The following CACNA1C variants were observed in gnomAD, a reference collection of about 807,000 sequenced individuals.
CACNA1C encodes the protein voltage-dependent L-type calcium channel subunit alpha-1C.
Under a neutral mutation model 229.0 loss-of-function variants are expected in CACNA1C, and 30 were observed. The ratio of observed to expected loss-of-function variants is 0.13; its 90% CI spans 0.10 to 0.18. The LOEUF is 0.18. Ranked by LOEUF, CACNA1C falls within the 10% of genes least tolerant of loss-of-function variation. The pLI is 1.00. For synonymous variants in CACNA1C, 1,114 were observed against 1,132.5 expected (o/e 0.98, Z 0.33); for missense variants, 1,658 against 2,845.0 (o/e 0.58, Z 9.49).
chr12:2,606,957 A>C (rs1373277701), intron 25 of CACNA1C, 27 bp from the exon 26 acceptor site: 2 of 1,610,950 alleles, frequency 1.2e-6, no homozygotes, highest in African/African-American at 2.7e-5. Flanking sequence ...GAGATCCCAG[A>C]GTAAACTCCT....
rs537370817 is a variant in CACNA1C, at chr12:2,555,878, T to C, written c.1482-1073T>C. 5.3e-5 allele frequency among the ~76,000 whole-genome samples: 8 copies of C among 152,290 alleles called. No homozygotes were observed. In the East Asian group the frequency reaches 1.5e-3, roughly 29 times the overall value. On this transcript the variant is annotated intron_variant, in intron 10 of 46. Coordinates refer to ENST00000399655, the MANE Select transcript of CACNA1C (RefSeq NM_000719.7). ...CGACACAGCTAGCTGTGTGCCGCGCTGGGACGTCGCAGGCCTGCGGCGGTT... is the reference window on the plus strand; with the variant it reads ...CGACACAGCTAGCTGTGTGCCGCGCCGGGACGTCGCAGGCCTGCGGCGGTT...
rs1566004360 is a variant in CACNA1C, at chr12:2,152,126, C to T, written c.477+31696C>T. On this transcript the variant is annotated intron_variant, in intron 3 of 46. Transcript: ENST00000399655. This position sits in a 1 kb window ranked among gnomAD's most constrained non-coding sequence, Gnocchi z 4.2. ...GATGGTGCCCTTCCCTAGATAGCTG[C>T]GTTGCAATGGACCACATTATGGCAT... is the stretch of plus-strand genomic sequence containing the variant. Among the ~76,000 whole-genome samples, 3 of 152,174 alleles carry T rather than the reference C, an allele frequency of 2.0e-5. No homozygotes were observed. The highest frequency in any genetic ancestry group is 2.1e-4 in the South Asian group (1 of 4,832).
intron 16 of CACNA1C, 38 bp downstream of exon 16, chr12:2,584,655 G>A (rs1300161713): frequency 7.4e-7 from 1 of 1,353,692 alleles, no homozygotes; most frequent in Non-Finnish European, 1.0e-6. Flanking sequence ...GGGCTCCAGG[G>A]CTCCCATTGT....
At position 2,424,781 on chromosome 12, in the gene CACNA1C, G is replaced by A. The variant is rs567874582; in HGVS notation, c.478-24195G>A. Among the ~76,000 whole-genome samples the A allele has an allele frequency of 2.0e-5, 3 of 152,308 alleles. No homozygotes were observed. In the South Asian group the frequency reaches 6.2e-4, roughly 32 times the overall value. ...GTGGGAGGGTGAGGAGGAAGTTGAGGAAACCTCTCTCCCAGAGACTGAGCT... is the reference window on the plus strand; with the variant it reads ...GTGGGAGGGTGAGGAGGAAGTTGAGAAAACCTCTCTCCCAGAGACTGAGCT... On this transcript the variant is annotated intron_variant, in intron 3 of 46. Coordinates refer to ENST00000399655, the MANE Select transcript of CACNA1C (RefSeq NM_000719.7).
chr12:2,430,580 G>A (rs1375819774), intron 3 of CACNA1C, among the ~76,000 whole-genome samples: 3 of 152,112 alleles, frequency 2.0e-5, no homozygotes, highest in Non-Finnish European at 2.9e-5. Context: ...GGTGGTGGGG[G>A]GGTCCGAGCA....
chr12:2,341,238 G>A (rs572440453), intron 3 of CACNA1C, among the ~76,000 whole-genome samples: 6 of 152,312 alleles, frequency 3.9e-5, no homozygotes, highest in South Asian at 2.1e-4. Flanking sequence ...ACTGGCAGGC[G>A]ATCTGCAGAA....
At chr12:2,281,368 G>T (rs777098519) in intron 3 of CACNA1C, among the ~76,000 whole-genome samples, 1 of 151,356 alleles carries the variant, frequency 6.6e-6, no homozygotes, top group Non-Finnish European at 1.5e-5. Flanking sequence ...ACCATTTCTG[G>T]TACCCTTGAT....
intron 34 of CACNA1C, among the ~76,000 whole-genome samples, 171 bp downstream of exon 34, chr12:2,655,409 T>G (rs2095362384): frequency 2.0e-5 from 3 of 152,148 alleles, no homozygotes; most frequent in Admixed American, 6.5e-5. Flanking sequence ...TCATTTATGA[T>G]AACTTTCCAC....
intron 3 of CACNA1C, among the ~76,000 whole-genome samples, chr12:2,225,250 G>T (rs2062628085): frequency 6.6e-6 from 1 of 152,164 alleles, no homozygotes; most frequent in African/African-American, 2.4e-5. Flanking sequence ...TGCACAAAGA[G>T]AATTATAAAG....
chr12:2,523,959 T>G (rs1050122721), intron 9 of CACNA1C, among the ~76,000 whole-genome samples: 8 of 152,216 alleles, frequency 5.3e-5, no homozygotes, highest in African/African-American at 1.7e-4. Context: ...CAAGATATCT[T>G]AACTGTCAGA....
chr12:2,267,146 C>G (rs1341594720), intron 3 of CACNA1C, among the ~76,000 whole-genome samples: 1 of 152,122 alleles, frequency 6.6e-6, no homozygotes, highest in Non-Finnish European at 1.5e-5. Context: ...TTCCAAAGCC[C>G]AGCATGTGCC....
At chr12:2,393,828 G>T (rs951514217) in intron 3 of CACNA1C, among the ~76,000 whole-genome samples, 3 of 151,944 alleles carry the variant, frequency 2.0e-5, no homozygotes, top group Non-Finnish European at 4.4e-5. Context: ...ACTGGGGATT[G>T]GTCGTGGAGG....
chr12:2,525,375 G>A (rs1418849224), intron 9 of CACNA1C, among the ~76,000 whole-genome samples: 1 of 152,144 alleles, frequency 6.6e-6, no homozygotes, highest in African/African-American at 2.4e-5. Flanking sequence ...GGGCTGGCAG[G>A]CCCTGAACAC....
rs181021735 is a variant in CACNA1C, at chr12:2,632,941, G to A, written c.3829-1356G>A. ...GAAAGTCTTTGCCAGGGTTGGAACT[G>A]CCCCTGGAAACACTGGGGCACCCAG... On this transcript the variant is annotated intron_variant, in intron 29 of 46. Transcript: ENST00000399655. The surrounding 1 kb of genome is among the most constrained non-coding windows in gnomAD (Gnocchi z 4.1). Among the ~76,000 whole-genome samples the A allele has an allele frequency of 1.3e-3, 195 of 152,256 alleles. No individual in the cohort carries two copies. Among genetic ancestry groups the A allele is most frequent in the African/African-American group, 4.6e-3 (191 of 41,546 alleles).
chr12:2,328,685 T>A (rs1321148675), intron 3 of CACNA1C, among the ~76,000 whole-genome samples: 1 of 152,208 alleles, frequency 6.6e-6, no homozygotes, highest in Non-Finnish European at 1.5e-5. Flanking sequence ...GAATGCCACT[T>A]GGTCTGTTCT....
intron 30 of CACNA1C, among the ~76,000 whole-genome samples, chr12:2,645,009 C>T (rs1451520727): frequency 2.0e-5 from 3 of 152,208 alleles, no homozygotes; most frequent in Non-Finnish European, 2.9e-5. Context: ...GGAATAATAA[C>T]CTCATTTCAT....
intron 3 of CACNA1C, among the ~76,000 whole-genome samples, chr12:2,312,396 T>C (rs1457024378): frequency 6.6e-6 from 1 of 152,166 alleles, no homozygotes; most frequent in East Asian, 1.9e-4. Context: ...GGTTCCTCCC[T>C]CTTTATATGA....
chr12:2,147,492 A>G (rs1025194615), intron 3 of CACNA1C, among the ~76,000 whole-genome samples: 1 of 151,354 alleles, frequency 6.6e-6, no homozygotes, highest in African/African-American at 2.4e-5. Flanking sequence ...ATTATCTGCT[A>G]TTAAATACTT....
In CACNA1C at chr12:2,639,157, G is replaced by C. The variant is rs2093317731; in HGVS notation, c.3912+4777G>C. Among the ~76,000 whole-genome samples, 1 of 152,226 alleles carries C rather than the reference G, an allele frequency of 6.6e-6. No individual in the cohort carries two copies. The highest frequency in any genetic ancestry group is 6.5e-5 in the Admixed American group (1 of 15,284). The stretch of plus-strand genomic sequence containing the variant: ...CTCAGTATCTGAGCCATGGGCCCCG[G>C]CCCTTCTCCTGCCAATGCATCACCT... On this transcript the variant is annotated intron_variant, in intron 30 of 46. Transcript: ENST00000399655. This position sits in a 1 kb window ranked among gnomAD's most constrained non-coding sequence, Gnocchi z 4.2.
Sources: gnomAD v4.1 joint callset for allele counts (sites outside exome capture counted in the v4.1 genomes callset) on GRCh38, gnomAD v4.1.1 for gene constraint, Gnocchi (gnomAD v3.1) non-coding constraint, MANE v1.5 for transcripts, NCBI Gene and HGNC (gene_info 2026-07-23, HGNC 2026-07-21) for gene names.